Variants in CFAP20DC observed in about 807,000 individuals in gnomAD.
CFAP20DC encodes the protein CFAP20 domain containing.
A neutral mutation model predicts 101.7 loss-of-function variants in CFAP20DC; 84 were observed. That is an observed-to-expected ratio of 0.83 (90% confidence interval 0.69 to 0.99). The LOEUF (loss-of-function observed/expected upper bound fraction) is 0.99. CFAP20DC is among the 50% of genes least tolerant of loss of function. The pLI, the probability that CFAP20DC is intolerant of heterozygous loss-of-function variation, is 0.00. For synonymous variants in CFAP20DC, 359 were observed against 351.2 expected (o/e 1.02, Z -0.25); for missense variants, 1,007 against 970.3 (o/e 1.04, Z -0.50).
chr3:58,879,504 T>C (rs552345971), intron 7 of CFAP20DC, among the ~76,000 whole-genome samples: 3 of 152,334 alleles, frequency 2.0e-5, no homozygotes, highest in African/African-American at 7.2e-5. Flanking sequence ...TATTTGGCTA[T>C]CATTCATTCA....
At chr3:58,789,550 T>A (rs2072676308) in intron 15 of CFAP20DC, among the ~76,000 whole-genome samples, 1 of 152,190 alleles carries the variant, frequency 6.6e-6, no homozygotes, top group Non-Finnish European at 1.5e-5. Context: ...CAATTCAATT[T>A]CCCCCAGTGT....
intron 4 of CFAP20DC, among the ~76,000 whole-genome samples, chr3:58,996,792 A>T (rs1056594210): frequency 1.3e-5 from 2 of 152,252 alleles, no homozygotes; most frequent in Non-Finnish European, 2.9e-5. Flanking sequence ...TCTCACTGTA[A>T]TGGCAACTTT....
At chr3:59,046,358 A>G (rs920635779) in intron 2 of CFAP20DC, 36 bp from the exon 3 acceptor site, 6 of 1,296,104 alleles carry the variant, frequency 4.6e-6, no homozygotes, top group Non-Finnish European at 6.3e-6. Flanking sequence ...TTATCACAGG[A>G]TATTTTATTT....
chr3:58,755,546 C>G (rs1451235319), intron 15 of CFAP20DC, among the ~76,000 whole-genome samples: 2 of 152,142 alleles, frequency 1.3e-5, no homozygotes, highest in South Asian at 2.1e-4. Context: ...AGGAGCTACC[C>G]CAGTGGGGAA....
At position 58,759,163 on chromosome 3, in the gene CFAP20DC, A is replaced by C. The variant is rs1219268721; in HGVS notation, c.2238-5300T>G. 2.0e-5 allele frequency among the ~76,000 whole-genome samples: 3 copies of C among 151,998 alleles called. No homozygotes were observed. In the South Asian group the frequency reaches 6.2e-4, roughly 32 times the overall value. ...GTTTACAGTCCCACCAACAGTGTAA[A>C]AGTGTTCCTATTTCTCCACATCCTC... is the stretch of plus-strand genomic sequence containing the variant. On this transcript the variant is annotated intron_variant, in intron 15 of 16. Coordinates refer to ENST00000482387, the MANE Select transcript of CFAP20DC (RefSeq NM_001394063.1).
intron 4 of CFAP20DC, among the ~76,000 whole-genome samples, chr3:58,939,512 G>A (rs555841013): frequency 1.8e-4 from 27 of 151,952 alleles, no homozygotes; most frequent in Admixed American, 3.9e-4. Flanking sequence ...AGGCTGGAGT[G>A]CAGTGGCGCA....
At position 58,869,776 on chromosome 3, in the gene CFAP20DC, C is replaced by T. The variant is rs909369785; in HGVS notation, c.853-286G>A. On this transcript the variant is annotated intron_variant, in intron 8 of 16. Transcript: ENST00000482387. This position sits in a 1 kb window ranked among gnomAD's most constrained non-coding sequence, Gnocchi z 4.3. ...TAGGTAGAAGCCGAATTAAAAATCA[C>T]GCGTATGTCAGAAATTCGGAGGAAA... Among the ~76,000 whole-genome samples the T allele has an allele frequency of 1.3e-5, 2 of 152,084 alleles. No homozygotes were observed. Among genetic ancestry groups the T allele is most frequent in the Non-Finnish European group, 1.5e-5 (1 of 68,012 alleles).
intron 13 of CFAP20DC, among the ~76,000 whole-genome samples, chr3:58,839,457 A>G (rs942007011): frequency 2.0e-5 from 3 of 152,204 alleles, no homozygotes; most frequent in African/African-American, 4.8e-5. Context: ...AGATACCTCA[A>G]ACCATTAAAG....
At chr3:58,803,222 C>A (rs1031310874) in intron 15 of CFAP20DC, among the ~76,000 whole-genome samples, 8 of 152,190 alleles carry the variant, frequency 5.3e-5, no homozygotes, top group South Asian at 2.1e-4. Flanking sequence ...CTTGTCCACA[C>A]CACCCCGTCT....
intron 14 of CFAP20DC, chr3:58,824,629 G>A (rs891706492): frequency 6.6e-6 from 1 of 152,120 alleles, no homozygotes; most frequent in Non-Finnish European, 1.5e-5. Flanking sequence ...TGGCGATAAT[G>A]TTGCAAGGTT....
chr3:58,946,493 C>CT (rs1429103879), intron 4 of CFAP20DC, among the ~76,000 whole-genome samples: 1 of 152,050 alleles, frequency 6.6e-6, no homozygotes, highest in Non-Finnish European at 1.5e-5. Flanking sequence ...GTTCCAATTT[C>CT]TTTTTTGGCA....
At chr3:59,026,002 T>C (rs1381098614) in intron 4 of CFAP20DC, among the ~76,000 whole-genome samples, 1 of 152,120 alleles carries the variant, frequency 6.6e-6, no homozygotes, top group Non-Finnish European at 1.5e-5. Context: ...TTTATATACC[T>C]ACCACATATG....
At chr3:58,764,578 T>C (rs1269019362) in intron 15 of CFAP20DC, among the ~76,000 whole-genome samples, 1 of 152,088 alleles carries the variant, frequency 6.6e-6, no homozygotes, top group South Asian at 2.1e-4. Context: ...GGTACCTCAG[T>C]TGGAAATGCA....
Position 58,767,375 on chromosome 3 carries a change from A to G in CFAP20DC, c.2238-13512T>C, listed in dbSNP as rs559543457. Among the ~76,000 whole-genome samples, 20 of 152,296 alleles carry G rather than the reference A, an allele frequency of 1.3e-4. No homozygotes were observed. In the South Asian group the frequency reaches 4.1e-3, roughly 32 times the overall value. On this transcript the variant is annotated intron_variant, in intron 15 of 16. Transcript: ENST00000482387. ...TTTAATTTTCTACCTCAGGAAGCAG[A>G]ATGTTTATTCAGAAACATATTTACT...
At chr3:58,758,630 T>C (rs2069194944) in intron 15 of CFAP20DC, among the ~76,000 whole-genome samples, 1 of 152,194 alleles carries the variant, frequency 6.6e-6, no homozygotes, top group Non-Finnish European at 1.5e-5. Flanking sequence ...GTTGGTGTGC[T>C]GCACCCATTA....
chr3:58,763,072 T>C (rs1262399178), intron 15 of CFAP20DC, among the ~76,000 whole-genome samples: 1 of 152,188 alleles, frequency 6.6e-6, no homozygotes, highest in Non-Finnish European at 1.5e-5. Context: ...TTCCTGAATC[T>C]GAATGTTGGC....
At chr3:58,842,357 C>T (rs1025338006) in intron 13 of CFAP20DC, among the ~76,000 whole-genome samples, 3 of 152,146 alleles carry the variant, frequency 2.0e-5, no homozygotes, top group South Asian at 2.1e-4. Flanking sequence ...ACCTGGGAAG[C>T]GCAAGGGGTC....
intron 15 of CFAP20DC, among the ~76,000 whole-genome samples, chr3:58,786,188 A>C (rs1218930228): frequency 6.6e-6 from 1 of 152,140 alleles, no homozygotes; most frequent in Non-Finnish European, 1.5e-5. Context: ...CTAACAACTC[A>C]TGGAGGTTGT....
chr3:58,947,584 T>A (rs552291973), intron 4 of CFAP20DC, among the ~76,000 whole-genome samples: 1 of 152,218 alleles, frequency 6.6e-6, no homozygotes, highest in Admixed American at 6.5e-5. Context: ...ATGACTTATA[T>A]CCTTGAGAAT....
Sources: allele counts gnomAD v4.1 joint callset (sites outside exome capture counted in the v4.1 genomes callset), GRCh38; gene constraint gnomAD v4.1.1; non-coding constraint Gnocchi (gnomAD v3.1); transcripts MANE v1.5; gene names NCBI Gene and HGNC (gene_info 2026-07-23, HGNC 2026-07-21).